USH1C: variants seen among roughly 807,000 people sequenced by gnomAD.
USH1C encodes USH1 protein network component harmonin, also known as harmonin.
A neutral mutation model predicts 119.3 loss-of-function variants in USH1C; 90 were observed. The observed-to-expected ratio is 0.75, with a 90% CI of 0.64 to 0.90. The LOEUF is 0.90. USH1C is among the 40% of genes least tolerant of loss of function. USH1C has a pLI of 0.00. For missense variants in USH1C, 1,165 were observed against 1,167.7 expected, an observed-to-expected ratio of 1.00 and a Z score of 0.03; for synonymous variants, 465 against 443.3, an observed-to-expected ratio of 1.05 and a Z score of -0.62.
rs150593932 is a variant in USH1C at position 17,498,242 on chromosome 11, C to T, written c.2410G>A (p.Ala804Thr). 272 of 1,614,158 alleles carry T rather than the reference C, an allele frequency of 1.7e-4. 1 individual carries two copies. In the South Asian group the frequency reaches 2.8e-3, roughly 17 times the overall value. The change falls in exon 24 of 27, where the codon GCA becomes ACA. Residue 804 changes from alanine to threonine, a missense_variant. Transcript: ENST00000005226. The stretch of plus-strand genomic sequence containing the variant: ...TCTGTCACAATCTTGCCGTTGATTG[C>T]CATGATCTCGTCCCCTTTCACAATG... Reference protein sequence around the residue: ...GGIVKGDEIMAINGKIVTDYT... With the variant: ...GGIVKGDEIMTINGKIVTDYT...
chr11:17,526,626 G>C, intron 7 of USH1C, 127 bp downstream of exon 7: 2 of 1,211,030 alleles, frequency 1.7e-6, no homozygotes, highest in Non-Finnish European at 2.4e-6. Flanking sequence ...CGGTGTGCTG[G>C]CTGCCCTGGG....
intron 14 of USH1C, among the ~76,000 whole-genome samples, chr11:17,516,992 T>C (rs7128086): frequency 0.17 from 25,544 of 152,028 alleles, 2,629 homozygotes; most frequent in African/African-American, 0.29. Flanking sequence ...CCAAGAGCGA[T>C]GGCTGAATTA....
At chr11:17,500,931 G>T (rs944531103) in intron 23 of USH1C, 120 bp downstream of exon 23, 2 of 818,648 alleles carry the variant, frequency 2.4e-6, no homozygotes, top group Non-Finnish European at 4.1e-6. Context: ...GGACCCGAGT[G>T]GGAGGGCATT....
At chr11:17,504,919 G>C (rs1353895734) in intron 19 of USH1C, among the ~76,000 whole-genome samples, 1 of 152,242 alleles carries the variant, frequency 6.6e-6, no homozygotes, top group African/African-American at 2.4e-5. Context: ...ACATGACATG[G>C]ATGCATCCGC....
At chr11:17,523,543 C>T (rs544920395) in intron 9 of USH1C, 65 bp from the exon 10 acceptor site, 19 of 1,518,270 alleles carry the variant, frequency 1.3e-5, no homozygotes, top group Middle Eastern at 1.7e-4. Context: ...ATCTGCAGGA[C>T]AGGCTCCCCC....
chr11:17,502,116 C>T (rs770210234), intron 20 of USH1C, 136 bp from the exon 21 acceptor site: 11 of 827,104 alleles, frequency 1.3e-5, no homozygotes, highest in Middle Eastern at 2.9e-4. Flanking sequence ...GGCCAGGGTA[C>T]GGGATGCAGA....
chr11:17,527,346 G>C lies in USH1C; in HGVS notation c.388-15C>G. 6.3e-7 allele frequency: 1 copy of C among 1,593,006 alleles called. No homozygotes were observed. The highest frequency in any genetic ancestry group is 8.6e-7 in the Non-Finnish European group (1 of 1,165,988). On this transcript the variant is annotated splice_polypyrimidine_tract_variant and intron_variant, in intron 4 of 26. Transcript: ENST00000005226. ...TCGTCCCCTACCTTGACCACAGAGA[G>C]AGGCAGGGAGCACCAGGTGGAGGGA...
At position 17,505,937 on chromosome 11, in the gene USH1C, T is replaced by C. The variant is rs779108272; in HGVS notation, c.2026A>G (p.Ser676Gly). 3.3e-5 allele frequency: 54 copies of C among 1,614,074 alleles called. No homozygotes were observed. Among genetic ancestry groups the C allele is most frequent in the Non-Finnish European group, 4.2e-5 (50 of 1,180,048 alleles). The change falls in exon 19 of 27, where the codon AGC becomes GGC. Residue 676 changes from serine to glycine, a missense_variant. Coordinates refer to ENST00000005226, the MANE Select transcript of USH1C (RefSeq NM_153676.4). Reference sequence around the variant, plus strand: ...CCAGGGCCTCGTGGAGGCTGTGGGCTTGGGCAAAATGTCTAAGGAGTTAGT... The same window carrying C: ...CCAGGGCCTCGTGGAGGCTGTGGGCCTGGGCAAAATGTCTAAGGAGTTAGT... ...FPPTPKTFCP[S>G]PQPPRGPGVS...
Position 17,524,488 on chromosome 11 carries a change from A to AT in USH1C, c.721_722insA (p.Val241AspfsTer9). ...CTCAGCAGACAGGGAGCCAGGTTTC[A>AT]CATGGCTGATAAAGATGCCAGGCTT... On this transcript the variant is annotated frameshift_variant, in exon 9 of 27. Transcript: ENST00000005226. LOFTEE classifies it high-confidence loss of function. 6.3e-7 allele frequency: 1 copy of AT among 1,574,988 alleles called. No individual in the cohort carries two copies. Among genetic ancestry groups the AT allele is most frequent in the Non-Finnish European group, 8.6e-7 (1 of 1,158,532 alleles).
intron 19 of USH1C, among the ~76,000 whole-genome samples, chr11:17,505,452 C>G (rs1051763069): frequency 1.3e-5 from 2 of 152,262 alleles, no homozygotes; most frequent in Non-Finnish European, 2.9e-5. Context: ...CTCTGGTAAC[C>G]TCTCTAAACC....
Position 17,531,144 on chromosome 11 carries a change from G to C in USH1C, c.387+10C>G. ...CCTCGCTCCCCCTCCCCCGGACTCTGTTTGCTCACCTGGAGCCCGACGCTG... is the reference window on the plus strand; with the variant it reads ...CCTCGCTCCCCCTCCCCCGGACTCTCTTTGCTCACCTGGAGCCCGACGCTG... On this transcript the variant is annotated intron_variant, in intron 4 of 26. Transcript: ENST00000005226. The surrounding 1 kb of genome is among the most constrained non-coding windows in gnomAD (Gnocchi z 4.2). 1.2e-6 allele frequency: 2 copies of C among 1,613,994 alleles called. No individual in the cohort carries two copies. The highest frequency in any genetic ancestry group is 1.1e-5 in the South Asian group (1 of 91,076).
chr11:17,511,631 C>G (rs544126414), intron 16 of USH1C, among the ~76,000 whole-genome samples: 3 of 152,274 alleles, frequency 2.0e-5, no homozygotes, highest in Non-Finnish European at 4.4e-5. Context: ...ACCCCCCGAC[C>G]AAGGAGGCTA....
In USH1C at chr11:17,521,009, C is replaced by G. The variant is rs537610769; in HGVS notation, c.1086-15G>C. 1.2e-6 allele frequency: 2 copies of G among 1,613,930 alleles called. No individual in the cohort carries two copies. The highest frequency in any genetic ancestry group is 1.3e-5 in the African/African-American group (1 of 75,014). On this transcript the variant is annotated splice_polypyrimidine_tract_variant and intron_variant, in intron 13 of 26. Coordinates refer to ENST00000005226, the MANE Select transcript of USH1C (RefSeq NM_153676.4). ...CCTCTACAATCCTAAAATGAGACCC[C>G]CATGCCTGTTACTGGAGTCAGAACC...
chr11:17,543,953 A>AGG (rs1487810397), intron 1 of USH1C, among the ~76,000 whole-genome samples: 1 of 152,170 alleles, frequency 6.6e-6, no homozygotes, highest in East Asian at 1.9e-4. Context: ...CTTGCCCACA[A>AGG]AGGGGGCACC....
At chr11:17,523,602 C>T in intron 9 of USH1C, 124 bp from the exon 10 acceptor site, 1 of 899,712 alleles carries the variant, frequency 1.1e-6, no homozygotes, top group Non-Finnish European at 1.8e-6. Context: ...TACCTCAGCT[C>T]CTCCTGATGA....
chr11:17,534,484 G>A (rs17715430), intron 1 of USH1C, among the ~76,000 whole-genome samples: 6,471 of 152,244 alleles, frequency 0.043, 252 homozygotes, highest in South Asian at 0.19. Context: ...AATAACTTGG[G>A]AGGCTTGACT....
Position 17,531,456 on chromosome 11 carries a change from G to A in USH1C, c.191C>T (p.Pro64Leu), listed in dbSNP as rs758959670. ...CACCTGGTGCTTCAGTGGGATCAGC[G>A]GCCGAATGGCATCAAACAGAGGCAG... ...SRLPLFDAIR[P>L]LIPLKHQVEY... Residue 64 changes from proline (P) to leucine (L), a missense_variant, in exon 3 of 27, where the codon CCG (proline) becomes CTG (leucine). Coordinates refer to ENST00000005226, the MANE Select transcript of USH1C (RefSeq NM_153676.4). This position sits in a 1 kb window ranked among gnomAD's most constrained non-coding sequence, Gnocchi z 4.2. The A allele has an allele frequency of 1.5e-5, 24 of 1,613,924 alleles. No individual in the cohort carries two copies. The highest frequency in any genetic ancestry group is 1.9e-5 in the Non-Finnish European group (22 of 1,180,034).
intron 19 of USH1C, 50 bp from the exon 20 acceptor site, chr11:17,504,747 C>G: frequency 6.3e-7 from 1 of 1,598,286 alleles, no homozygotes; most frequent in Non-Finnish European, 8.6e-7. Context: ...ACCAATAGGT[C>G]TTGGCTGCCC....
At chr11:17,501,356 G>A (rs1018625473) in intron 22 of USH1C, 126 bp downstream of exon 22, 27 of 1,196,306 alleles carry the variant, frequency 2.3e-5, no homozygotes, top group African/African-American at 3.0e-5. Context: ...CCGTGGGAGA[G>A]GGGAGGACAG....
Sources: allele counts gnomAD v4.1 joint callset (sites outside exome capture counted in the v4.1 genomes callset), GRCh38; gene constraint gnomAD v4.1.1; non-coding constraint Gnocchi (gnomAD v3.1); transcripts MANE v1.5; gene names NCBI Gene and HGNC (gene_info 2026-07-23, HGNC 2026-07-21).